The following RORA variants were observed in gnomAD, a reference collection of about 807,000 sequenced individuals.
The protein encoded by RORA is nuclear receptor ROR-alpha.
Under a neutral mutation model 69.5 loss-of-function variants are expected in RORA, and 7 were observed. That is an observed-to-expected ratio of 0.10 (90% CI 0.06 to 0.19). RORA has a LOEUF of 0.19. Ranked by LOEUF, RORA falls within the 10% of genes least tolerant of loss-of-function variation. RORA has a pLI of 1.00. For synonymous variants in RORA, 261 were observed against 240.8 expected (o/e 1.08, Z -0.78); for missense variants, 457 against 663.0 (o/e 0.69, Z 3.41).
chr15:60,871,708 T>C (rs181821832), intron 1 of RORA, among the ~76,000 whole-genome samples: 9 of 152,354 alleles, frequency 5.9e-5, no homozygotes, highest in Admixed American at 2.0e-4. Flanking sequence ...AAGCCTCTTA[T>C]GTGAAGCAGT....
intron 1 of RORA, among the ~76,000 whole-genome samples, chr15:60,949,325 C>G (rs2140332202): frequency 1.3e-5 from 2 of 152,246 alleles, no homozygotes; most frequent in East Asian, 1.9e-4. Context: ...CTTCTCAAAT[C>G]AGGCTGTTTA....
At chr15:60,500,441 A>T (rs1345225203) in intron 9 of RORA, among the ~76,000 whole-genome samples, 1 of 152,232 alleles carries the variant, frequency 6.6e-6, no homozygotes, top group East Asian at 1.9e-4. Flanking sequence ...AACTGACTTA[A>T]GGGTTGTTAA....
At chr15:60,546,498 TAG>T (rs2140372970) in intron 2 of RORA, 1 of 152,218 alleles carries the variant, frequency 6.6e-6, no homozygotes, top group Admixed American at 6.5e-5. Context: ...GAGAAACAGA[TAG>T]AGACAGGAAA....
intron 1 of RORA, among the ~76,000 whole-genome samples, chr15:60,709,298 T>G (rs1303681806): frequency 6.6e-6 from 1 of 152,220 alleles, no homozygotes; most frequent in Non-Finnish European, 1.5e-5. Flanking sequence ...CATTTAATTC[T>G]ACAACAACTC....
chr15:61,226,814 C>G lies in RORA; in HGVS notation c.166+2239G>C, dbSNP rs922406276. Among the ~76,000 whole-genome samples the G allele has an allele frequency of 6.6e-6, 1 of 152,062 alleles. No homozygotes were observed. The highest frequency in any genetic ancestry group is 1.5e-5 in the Non-Finnish European group (1 of 68,028). On this transcript the variant is annotated intron_variant, in intron 1 of 10. Transcript: ENST00000335670. The surrounding 1 kb of genome is among the most constrained non-coding windows in gnomAD (Gnocchi z 4.2). ...GTTGAGTGTTTGGGCCTTACCACCC[C>G]CCTCCCATTAAATCTTCCAGGAGGG...
chr15:60,500,811 T>C, intron 9 of RORA, 148 bp downstream of exon 9: 1 of 492,898 alleles, frequency 2.0e-6, no homozygotes, highest in Non-Finnish European at 3.6e-6. Flanking sequence ...AGGGTGTTAT[T>C]TGAAGACTTA....
At chr15:61,100,942 T>C (rs2078870061) in intron 1 of RORA, among the ~76,000 whole-genome samples, 1 of 152,242 alleles carries the variant, frequency 6.6e-6, no homozygotes, top group Non-Finnish European at 1.5e-5. Flanking sequence ...TATAACTCTG[T>C]TGTAACACTT....
At chr15:60,894,140 C>T (rs969233482) in intron 1 of RORA, among the ~76,000 whole-genome samples, 1 of 152,242 alleles carries the variant, frequency 6.6e-6, no homozygotes, top group Non-Finnish European at 1.5e-5. Flanking sequence ...ACGCGGCCCG[C>T]AGCCAGAGTT....
chr15:60,853,767 C>A (rs770828437), intron 1 of RORA, among the ~76,000 whole-genome samples: 1 of 152,200 alleles, frequency 6.6e-6, no homozygotes, highest in South Asian at 2.1e-4. Context: ...ACTGGAAGAA[C>A]ACTGGACTTG....
At chr15:60,574,156 G>A (rs1394696259) in intron 2 of RORA, among the ~76,000 whole-genome samples, 1 of 152,172 alleles carries the variant, frequency 6.6e-6, no homozygotes, top group Non-Finnish European at 1.5e-5. Context: ...GAGTCTGGCA[G>A]ACTCAGCCCC....
rs553965882 is a variant in RORA at position 60,935,314 on chromosome 15, C to T, written c.167-256628G>A. 3.9e-5 allele frequency among the ~76,000 whole-genome samples: 6 copies of T among 152,298 alleles called. No individual in the cohort carries two copies. The South Asian group carries it at 8.3e-4, about 21-fold the overall frequency. Reference sequence around the variant, plus strand: ...GAGAAAAGCCAGAGTTAATCCTTCACAAAGGGTTGTTTAATAATAACCAGA... The same window carrying T: ...GAGAAAAGCCAGAGTTAATCCTTCATAAAGGGTTGTTTAATAATAACCAGA... On this transcript the variant is annotated intron_variant, in intron 1 of 10. Transcript: ENST00000335670.
At chr15:61,013,925 A>T (rs952669868) in intron 1 of RORA, among the ~76,000 whole-genome samples, 1 of 151,728 alleles carries the variant, frequency 6.6e-6, no homozygotes, top group Non-Finnish European at 1.5e-5. Context: ...CTGCGTCTAC[A>T]GGCGCCCGCC....
chr15:60,514,927 A>G (rs2065814054), intron 3 of RORA, among the ~76,000 whole-genome samples, 170 bp from the exon 4 acceptor site: 1 of 152,158 alleles, frequency 6.6e-6, no homozygotes, highest in Admixed American at 6.6e-5. Flanking sequence ...TTTTTCCTTG[A>G]GTAAAATTGA....
intron 1 of RORA, among the ~76,000 whole-genome samples, chr15:61,141,193 A>G (rs1195166037): frequency 1.3e-5 from 2 of 152,224 alleles, no homozygotes; most frequent in East Asian, 3.9e-4. Flanking sequence ...AAGAGGTGCA[A>G]TATTGACTTC....
chr15:61,106,234 A>G (rs1369662612), intron 1 of RORA, among the ~76,000 whole-genome samples: 1 of 152,366 alleles, frequency 6.6e-6, no homozygotes, highest in East Asian at 1.9e-4. Flanking sequence ...TTATTACTAG[A>G]GAGGATGAAA....
At chr15:60,914,859 C>T (rs1891825061) in intron 1 of RORA, among the ~76,000 whole-genome samples, 1 of 152,216 alleles carries the variant, frequency 6.6e-6, no homozygotes, top group East Asian at 1.9e-4. Flanking sequence ...CAGAGGACAC[C>T]GGGGGTCAGT....
intron 1 of RORA, among the ~76,000 whole-genome samples, chr15:60,860,763 C>A (rs1045877637): frequency 5.9e-5 from 9 of 152,204 alleles, no homozygotes; most frequent in African/African-American, 2.2e-4. Flanking sequence ...AGCATTAATT[C>A]AATGTACACT....
intron 2 of RORA, among the ~76,000 whole-genome samples, chr15:60,584,785 AAG>A (rs1466971858): frequency 2.0e-5 from 3 of 152,220 alleles, no homozygotes; most frequent in East Asian, 1.9e-4. Flanking sequence ...TTCTGTGAAA[AAG>A]AGAATACTTC....
chr15:60,744,586 G>A lies in RORA; in HGVS notation c.167-65900C>T, dbSNP rs532693405. Among the ~76,000 whole-genome samples, 22 of 152,272 alleles carry A rather than the reference G, an allele frequency of 1.4e-4. No individual in the cohort carries two copies. The East Asian group carries it at 3.9e-3, about 27-fold the overall frequency. On this transcript the variant is annotated intron_variant, in intron 1 of 10. Transcript: ENST00000335670. ...AGTGTCCTCACCAGCAAACTGGGGGGCAAGAATGGTGCTATGTGCCTGCAC... is the reference window on the plus strand; with the variant it reads ...AGTGTCCTCACCAGCAAACTGGGGGACAAGAATGGTGCTATGTGCCTGCAC...
Sources: gnomAD v4.1 joint callset for allele counts (sites outside exome capture counted in the v4.1 genomes callset) on GRCh38, gnomAD v4.1.1 for gene constraint, Gnocchi (gnomAD v3.1) non-coding constraint, MANE v1.5 for transcripts, NCBI Gene and HGNC (gene_info 2026-07-23, HGNC 2026-07-21) for gene names.